ADORA1: variants seen among roughly 807,000 people sequenced by gnomAD.
ADORA1 encodes the protein adenosine receptor A1.
ADORA1 carries 6 observed loss-of-function variants against 19.9 expected under a neutral mutation model. The observed-to-expected ratio is 0.30, with a 90% CI of 0.17 to 0.59. The LOEUF (loss-of-function observed/expected upper bound fraction) is 0.59, where lower values mean the gene tolerates loss of function less well. Among genes scored for constraint, ADORA1 ranks in the 20% least tolerant of loss-of-function variants. The probability of loss-of-function intolerance (pLI) is 0.87; values close to 1 mark genes in which losing one functional copy is unlikely to be tolerated. For missense variants in ADORA1, 302 were observed against 439.2 expected, an observed-to-expected ratio of 0.69 and a Z score of 2.79; for synonymous variants, 194 against 188.4, an observed-to-expected ratio of 1.03 and a Z score of -0.24.
At chr1:203,153,981 G>A (rs965937700) in intron 3 of ADORA1, among the ~76,000 whole-genome samples, 9 of 152,298 alleles carry the variant, frequency 5.9e-5, no homozygotes, top group East Asian at 3.9e-4. Flanking sequence ...GTGAGGGAAC[G>A]GAAGAGGGAA....
At chr1:203,144,434 G>T (rs1461443762) in intron 3 of ADORA1, among the ~76,000 whole-genome samples, 1 of 152,130 alleles carries the variant, frequency 6.6e-6, no homozygotes, top group African/African-American at 2.4e-5. Context: ...ACTTTATGTG[G>T]ATTATCTTGC....
rs1654243659 is a variant in ADORA1, at chr1:203,128,956, G to C, written c.115G>C (p.Ala39Pro). Residue 39 changes from alanine to proline, a missense_variant, in exon 3 of 4, where the codon GCG becomes CCG. Coordinates refer to ENST00000337894, the MANE Select transcript of ADORA1 (RefSeq NM_000674.3). The surrounding 1 kb of genome is among the most constrained non-coding windows in gnomAD (Gnocchi z 5.9). ...GATCTGGGCGGTGAAGGTGAACCAG[G>C]CGCTGCGGGATGCCACCTTCTGCTT... ...LVIWAVKVNQALRDATFCFIV... is the reference protein window; with the variant it reads ...LVIWAVKVNQPLRDATFCFIV... 6.2e-7 allele frequency: 1 copy of C among 1,614,002 alleles called. No homozygotes were observed. Among genetic ancestry groups the C allele is most frequent in the Non-Finnish European group, 8.5e-7 (1 of 1,180,044 alleles).
intron 3 of ADORA1, among the ~76,000 whole-genome samples, chr1:203,159,532 G>A (rs1244924534): frequency 6.6e-6 from 1 of 152,134 alleles, no homozygotes; most frequent in Non-Finnish European, 1.5e-5. Flanking sequence ...GCTCGTTGGT[G>A]GTCCTTTGGC....
At chr1:203,148,529 A>G (rs991000099) in intron 3 of ADORA1, among the ~76,000 whole-genome samples, 8 of 152,280 alleles carry the variant, frequency 5.3e-5, no homozygotes, top group African/African-American at 1.9e-4. Flanking sequence ...ATGCTGTCAC[A>G]GTGTTTTGCC....
intron 3 of ADORA1, chr1:203,164,931 TG>T: frequency 1.0e-6 from 1 of 999,988 alleles, no homozygotes; most frequent in Non-Finnish European, 1.5e-6. Context: ...AGATAACCAG[TG>T]GGGGCATGCT....
At position 203,128,348 on chromosome 1, in the gene ADORA1, A is replaced by G. The variant is rs1042556761; in HGVS notation, c.-142A>G. Reference sequence around the variant, plus strand: ...CCGCGCGTTGTCCAGAGCCCAGCCCAGCCCTACCGCGCGCGGCCCGGAGCT... The same window carrying G: ...CCGCGCGTTGTCCAGAGCCCAGCCCGGCCCTACCGCGCGCGGCCCGGAGCT... On this transcript the variant is annotated 5_prime_UTR_variant, in exon 2 of 4. Coordinates refer to ENST00000337894, the MANE Select transcript of ADORA1 (RefSeq NM_000674.3). The surrounding 1 kb of genome is among the most constrained non-coding windows in gnomAD (Gnocchi z 5.9). 1.3e-5 allele frequency: 17 copies of G among 1,289,732 alleles called. No homozygotes were observed. Among genetic ancestry groups the G allele is most frequent in the Admixed American group, 9.2e-5 (4 of 43,526 alleles). The allele number at this position is 1,289,732 out of a possible 1,614,324, so 79.9% of individuals were successfully genotyped here. A position where few individuals can be genotyped will look rare whatever the true frequency, so the allele number is the denominator to read the frequency against.
intron 3 of ADORA1, among the ~76,000 whole-genome samples, chr1:203,154,215 C>T (rs1655124162): frequency 6.6e-6 from 1 of 152,182 alleles, no homozygotes; most frequent in Admixed American, 6.5e-5. Flanking sequence ...TTTCCAAACC[C>T]ACATGTGGGT....
Position 203,165,652 on chromosome 1 carries a change from C to T in ADORA1, c.733C>T (p.Leu245Phe). Residue 245 changes from leucine (L) to phenylalanine (F), a missense_variant, in exon 4 of 4, where the codon CTC becomes TTC. By Grantham distance (22) the Leu-to-Phe change is conservative (BLOSUM62 0). Coordinates refer to ENST00000337894, the MANE Select transcript of ADORA1 (RefSeq NM_000674.3). The surrounding 1 kb of genome is among the most constrained non-coding windows in gnomAD (Gnocchi z 5.9). ...GGCCCTCATCCTCTTCCTCTTTGCC[C>T]TCAGCTGGCTGCCTTTGCACATCCT... ...SLALILFLFA[L>F]SWLPLHILNC... 1 of 1,609,774 alleles carries T rather than the reference C, an allele frequency of 6.2e-7. No individual in the cohort carries two copies. The highest frequency in any genetic ancestry group is 8.5e-7 in the Non-Finnish European group (1 of 1,176,832).
chr1:203,135,923 C>T (rs752509644), intron 3 of ADORA1, among the ~76,000 whole-genome samples: 35 of 152,188 alleles, frequency 2.3e-4, no homozygotes, highest in Admixed American at 3.9e-4. Context: ...CCCTTCTGGG[C>T]TGGGTTGGGC....
chr1:203,142,274 G>A (rs1344039126), intron 3 of ADORA1, among the ~76,000 whole-genome samples: 1 of 152,216 alleles, frequency 6.6e-6, no homozygotes, highest in Non-Finnish European at 1.5e-5. Flanking sequence ...GTTCCGGTCA[G>A]TGGCAAAATG....
chr1:203,137,129 T>A (rs933558431), intron 3 of ADORA1, among the ~76,000 whole-genome samples: 1 of 152,110 alleles, frequency 6.6e-6, no homozygotes, highest in South Asian at 2.1e-4. Flanking sequence ...GGTTGCAACT[T>A]TAAATAGGGT....
intron 3 of ADORA1, among the ~76,000 whole-genome samples, chr1:203,149,095 C>T (rs1264269732): frequency 1.3e-5 from 2 of 152,034 alleles, no homozygotes; most frequent in East Asian, 3.9e-4. Context: ...CCAGGCTGGT[C>T]GCGAACTCTT....
chr1:203,151,552 G>A (rs192803636), intron 3 of ADORA1, among the ~76,000 whole-genome samples: 2 of 152,308 alleles, frequency 1.3e-5, no homozygotes, highest in East Asian at 3.9e-4. Context: ...TCAGGGGTGT[G>A]CTCCTGGTGG....
intron 3 of ADORA1, among the ~76,000 whole-genome samples, chr1:203,138,135 C>G (rs1654569023): frequency 6.6e-6 from 1 of 152,244 alleles, no homozygotes; most frequent in East Asian, 1.9e-4. Context: ...TCAATATGAC[C>G]AGACTTTTAC....
chr1:203,144,118 A>G (rs1185855704), intron 3 of ADORA1, among the ~76,000 whole-genome samples: 1 of 150,084 alleles, frequency 6.7e-6, no homozygotes, highest in East Asian at 1.9e-4. Context: ...ACACACACAC[A>G]CACAGCTGTT....
At chr1:203,156,033 T>G (rs1476898278) in intron 3 of ADORA1, among the ~76,000 whole-genome samples, 1 of 152,266 alleles carries the variant, frequency 6.6e-6, no homozygotes, top group East Asian at 1.9e-4. Flanking sequence ...AATAAGTGGA[T>G]GTATGGTTTC....
In ADORA1 at chr1:203,128,532, T is replaced by G. The variant is rs1654228542; in HGVS notation, c.-58+100T>G. ...CTGTGTGTGCGCGCGCGCTGGGAGCTGCCTCACACCTGATAAAAAAGCCAG... is the reference window on the plus strand; with the variant it reads ...CTGTGTGTGCGCGCGCGCTGGGAGCGGCCTCACACCTGATAAAAAAGCCAG... On this transcript the variant is annotated intron_variant, in intron 2 of 3. Coordinates refer to ENST00000337894, the MANE Select transcript of ADORA1 (RefSeq NM_000674.3). The surrounding 1 kb of genome is among the most constrained non-coding windows in gnomAD (Gnocchi z 5.9). 2 of 987,006 alleles carry G rather than the reference T, an allele frequency of 2.0e-6. No individual in the cohort carries two copies. Among genetic ancestry groups the G allele is most frequent in the Non-Finnish European group, 2.8e-6 (2 of 721,638 alleles). 61.1% of individuals were successfully genotyped at this position (987,006 alleles called of 1,614,324 possible).
At chr1:203,132,779 G>A (rs951484382) in intron 3 of ADORA1, among the ~76,000 whole-genome samples, 1 of 152,156 alleles carries the variant, frequency 6.6e-6, no homozygotes, top group Admixed American at 6.5e-5. Context: ...CTTGGGAGGC[G>A]TATATTGCAG....
At chr1:203,139,591 T>C (rs546628898) in intron 3 of ADORA1, among the ~76,000 whole-genome samples, 2 of 152,376 alleles carry the variant, frequency 1.3e-5, no homozygotes, top group African/African-American at 2.4e-5. Context: ...TCACCAGCCA[T>C]GTTCAGCTGC....
Sources: allele counts gnomAD v4.1 joint callset (sites outside exome capture counted in the v4.1 genomes callset), GRCh38; gene constraint gnomAD v4.1.1; non-coding constraint Gnocchi (gnomAD v3.1); transcripts MANE v1.5; gene names NCBI Gene and HGNC (gene_info 2026-07-23, HGNC 2026-07-21).